The following KDR variants were observed in gnomAD, a reference collection of about 807,000 sequenced individuals.
The protein encoded by KDR is vascular endothelial growth factor receptor 2.
Under a neutral mutation model 160.9 loss-of-function variants are expected in KDR, and 43 were observed. The ratio of observed to expected loss-of-function variants is 0.27; its 90% CI spans 0.21 to 0.34. KDR has a LOEUF of 0.34. Ranked by LOEUF, KDR falls within the 10% of genes least tolerant of loss-of-function variation. The pLI, the probability that KDR is intolerant of heterozygous loss-of-function variation, is 1.00. For missense variants in KDR, 1,469 were observed against 1,666.4 expected, an observed-to-expected ratio of 0.88 and a Z score of 2.06; for synonymous variants, 617 against 600.1, an observed-to-expected ratio of 1.03 and a Z score of -0.41.
intron 3 of KDR, 90 bp downstream of exon 3, chr4:55,118,514 G>GC: frequency 1.0e-6 from 1 of 989,646 alleles, no homozygotes; most frequent in Non-Finnish European, 1.6e-6. Context: ...TTTAGAGCAA[G>GC]CCCTTTGTTG....
At chr4:55,080,906 T>C (rs2110004377) in intron 29 of KDR, among the ~76,000 whole-genome samples, 1 of 152,338 alleles carries the variant, frequency 6.6e-6, no homozygotes, top group Non-Finnish European at 1.5e-5. Context: ...CCCCAACTTC[T>C]TCATGTTAAA....
At chr4:55,114,370 T>C in intron 5 of KDR, 105 bp from the exon 6 acceptor site, 1 of 1,245,454 alleles carries the variant, frequency 8.0e-7, no homozygotes, top group Non-Finnish European at 1.1e-6. Flanking sequence ...CATGCCACAT[T>C]GTTTTTCCCT....
chr4:55,086,821 C>T lies in KDR; in HGVS notation c.3662+786G>A, dbSNP rs545183926. ...CCCCTCCCTGCAGCCCAGGCACACT[C>T]GGGCTGGCAGGCTGGACCCATGCTG... On this transcript the variant is annotated intron_variant, in intron 27 of 29. Transcript: ENST00000263923. Among the ~76,000 whole-genome samples the T allele has an allele frequency of 2.6e-5, 4 of 152,308 alleles. No individual in the cohort carries two copies. In the South Asian group the frequency reaches 6.2e-4, roughly 24 times the overall value.
At chr4:55,085,698 T>C (rs1187271170) in intron 27 of KDR, among the ~76,000 whole-genome samples, 2 of 152,242 alleles carry the variant, frequency 1.3e-5, no homozygotes, top group South Asian at 4.1e-4. Context: ...ATTTCCATTT[T>C]ATTTTTCAAA....
At chr4:55,111,605 T>G (rs578069954) in intron 7 of KDR, among the ~76,000 whole-genome samples, 2 of 152,332 alleles carry the variant, frequency 1.3e-5, no homozygotes, top group Non-Finnish European at 2.9e-5. Flanking sequence ...TCCTTATTTC[T>G]GCCCCTATTT....
chr4:55,109,534 A>C (rs909940263), intron 9 of KDR, among the ~76,000 whole-genome samples: 2 of 152,182 alleles, frequency 1.3e-5, no homozygotes, highest in Non-Finnish European at 2.9e-5. Flanking sequence ...AAAGAATTAC[A>C]ACAGAGAAGC....
Position 55,079,451 on chromosome 4 carries a change from T to C in KDR, c.*490A>G, listed in dbSNP as rs753077882. On this transcript the variant is annotated 3_prime_UTR_variant, in exon 30 of 30. Coordinates refer to ENST00000263923, the MANE Select transcript of KDR (RefSeq NM_002253.4). ...TAACGTTAGTCTTCCTTTCTATCAA[T>C]CCGAATTCCACACTTAAGGCTTGGC... 22 of 285,464 alleles carry C rather than the reference T, an allele frequency of 7.7e-5. No homozygotes were observed. Among genetic ancestry groups the C allele is most frequent in the Non-Finnish European group, 1.4e-4 (21 of 149,044 alleles). 17.7% of individuals were successfully genotyped at this position (285,464 alleles called of 1,614,324 possible).
At chr4:55,080,280 G>C (rs936945102) in intron 29 of KDR, 117 bp from the exon 30 acceptor site, 1 of 834,514 alleles carries the variant, frequency 1.2e-6, no homozygotes, top group Admixed American at 2.0e-5. Flanking sequence ...CCGCAGCCCC[G>C]TATCTCTCCC....
At chr4:55,098,857 T>C (rs1447995765) in intron 15 of KDR, 54 bp from the exon 16 acceptor site, 4 of 1,393,852 alleles carry the variant, frequency 2.9e-6, no homozygotes, top group East Asian at 4.6e-5. Context: ...TACTTTTTGT[T>C]TGTAAGATGA....
intron 7 of KDR, among the ~76,000 whole-genome samples, chr4:55,111,137 C>T (rs1012523494): frequency 6.6e-6 from 1 of 152,178 alleles, no homozygotes; most frequent in Non-Finnish European, 1.5e-5. Context: ...CACCATGAGG[C>T]CCCAGGACTC....
intron 9 of KDR, among the ~76,000 whole-genome samples, chr4:55,108,147 G>A (rs371391335): frequency 2.5e-4 from 37 of 148,484 alleles, no homozygotes; most frequent in African/African-American, 8.4e-4. Flanking sequence ...GATCGCTTAA[G>A]CCCAGGAGAT....
rs139803589 is a variant in KDR at position 55,080,163 on chromosome 4, A to T, written c.3849T>A (p.Gly1283=). 6.9e-5 allele frequency: 112 copies of T among 1,612,746 alleles called. No homozygotes were observed. In the African/African-American group the frequency reaches 1.4e-3, roughly 20 times the overall value. Residue 1283 remains glycine, a splice_region_variant and synonymous_variant, in exon 30 of 30, where the codon GGT becomes GGA. Coordinates refer to ENST00000263923, the MANE Select transcript of KDR (RefSeq NM_002253.4). Reference sequence around the variant, plus strand: ...CCCTGCTTTTGCTGGGCACCATTCCACTGCAGAAGAAATGGCAAACAAAGG... The same window carrying T: ...CCCTGCTTTTGCTGGGCACCATTCCTCTGCAGAAGAAATGGCAAACAAAGG... ...EDRTKLSPSF[G]GMVPSKSRES...
intron 26 of KDR, 86 bp downstream of exon 26, chr4:55,088,782 G>A (rs1719934011): frequency 4.7e-6 from 4 of 846,936 alleles, no homozygotes; most frequent in East Asian, 4.9e-5. Flanking sequence ...AGGATGGCAT[G>A]GTAGCCATGA....
rs557853786 is a variant in KDR at position 55,111,063 on chromosome 4, T to A, written c.977-295A>T. ...GCTCCTCTGTGCAGCTTTCTCTAAG[T>A]CCCCCAGGGATGCTTGGGTGCTCCT... is the stretch of plus-strand genomic sequence containing the variant. On this transcript the variant is annotated intron_variant, in intron 7 of 29. Coordinates refer to ENST00000263923, the MANE Select transcript of KDR (RefSeq NM_002253.4). 2.0e-5 allele frequency among the ~76,000 whole-genome samples: 3 copies of A among 152,096 alleles called. No individual in the cohort carries two copies. The South Asian group carries it at 6.2e-4, about 32-fold the overall frequency.
chr4:55,082,442 G>A, intron 28 of KDR, 94 bp downstream of exon 28: 1 of 951,372 alleles, frequency 1.1e-6, no homozygotes, highest in South Asian at 1.3e-5. Context: ...CTTCTAATGA[G>A]GCTCCAAAAC....
In KDR at chr4:55,104,874, G is replaced by A. The variant is rs1720404315; in HGVS notation, c.1756C>T (p.Leu586Phe). 1.2e-6 allele frequency: 2 copies of A among 1,613,970 alleles called. No homozygotes were observed. Among genetic ancestry groups the A allele is most frequent in the East Asian group, 4.5e-5 (2 of 44,872 alleles). The change falls in exon 13 of 30, where the codon CTT becomes TTT. Residue 586 changes from leucine (L) to phenylalanine (F), a missense_variant. Physicochemically the swap from Leu to Phe is conservative, Grantham distance 22. Around this residue, in one of 7 missense-constraint regions of KDR, gnomAD observed 792 missense variants for 840.9 expected, o/e 0.94. Transcript: ENST00000263923. ...TGGATTGGCAGAGGCTGTGGGCCAAGCTTGTACCATGTGAGGTTCTCAAAC... is the reference window on the plus strand; with the variant it reads ...TGGATTGGCAGAGGCTGTGGGCCAAACTTGTACCATGTGAGGTTCTCAAAC... The part of the protein sequence containing the change: ...STFENLTWYK[L>F]GPQPLPIHVG...
At chr4:55,094,191 A>G (rs1457641130) in intron 21 of KDR, among the ~76,000 whole-genome samples, 1 of 152,216 alleles carries the variant, frequency 6.6e-6, no homozygotes, top group East Asian at 1.9e-4. Flanking sequence ...CCTGGGCAAC[A>G]GCATGAGACT....
chr4:55,112,067 C>T (rs1446352377), intron 7 of KDR, among the ~76,000 whole-genome samples: 3 of 152,282 alleles, frequency 2.0e-5, no homozygotes, highest in Non-Finnish European at 2.9e-5. Flanking sequence ...TAAACTCAGA[C>T]ATTTATGTAA....
chr4:55,120,379 G>A (rs1176752628), intron 2 of KDR, among the ~76,000 whole-genome samples: 10 of 152,080 alleles, frequency 6.6e-5, no homozygotes, highest in Admixed American at 5.9e-4. Flanking sequence ...TTAAACCCAA[G>A]GGTCTTCTAT....
Sources: gnomAD v4.1 joint callset for allele counts (sites outside exome capture counted in the v4.1 genomes callset) on GRCh38, gnomAD v4.1.1 for gene constraint, gnomAD v4.1.1 regional missense constraint, MANE v1.5 for transcripts, NCBI Gene and HGNC (gene_info 2026-07-23, HGNC 2026-07-21) for gene names.